CUX2: variants seen among roughly 807,000 people sequenced by gnomAD.
CUX2 encodes homeobox protein cut-like 2.
In CUX2, 40 loss-of-function variants were observed where a neutral mutation model predicts 144.8. The ratio of observed to expected loss-of-function variants is 0.28; its 90% confidence interval spans 0.21 to 0.36. CUX2 has a LOEUF of 0.36. CUX2 is among the 10% of genes least tolerant of loss of function. CUX2 has a pLI of 1.00. For missense variants in CUX2, 1,615 were observed against 1,994.0 expected, an observed-to-expected ratio of 0.81 and a Z score of 3.62; for synonymous variants, 827 against 875.6, an observed-to-expected ratio of 0.94 and a Z score of 0.98.
chr12:111,100,568 C>T (rs1182165346), intron 1 of CUX2, among the ~76,000 whole-genome samples: 1 of 152,080 alleles, frequency 6.6e-6, no homozygotes, highest in Admixed American at 6.5e-5. Flanking sequence ...GTGTGCAAGT[C>T]AGAGGGGTAT....
At chr12:111,314,961 G>A (rs1482537466) in intron 16 of CUX2, among the ~76,000 whole-genome samples, 1 of 152,140 alleles carries the variant, frequency 6.6e-6, no homozygotes, top group Non-Finnish European at 1.5e-5. Flanking sequence ...GAAACCCCAG[G>A]TCTCTCACCT....
intron 1 of CUX2, among the ~76,000 whole-genome samples, chr12:111,207,176 G>A (rs1412949023): frequency 6.6e-6 from 1 of 152,150 alleles, no homozygotes; most frequent in Non-Finnish European, 1.5e-5. Context: ...ATTAGAAGAG[G>A]TAGATTGAAG....
At chr12:111,215,959 T>C (rs1056936140) in intron 2 of CUX2, among the ~76,000 whole-genome samples, 10 of 152,272 alleles carry the variant, frequency 6.6e-5, no homozygotes, top group Admixed American at 5.2e-4. Context: ...ATTCCTATTA[T>C]AGTCGTGCCT....
chr12:111,182,549 C>A (rs1291778975), intron 1 of CUX2, among the ~76,000 whole-genome samples: 1 of 152,206 alleles, frequency 6.6e-6, no homozygotes. Flanking sequence ...CAATTCATTA[C>A]GCAGTTGGAT....
At chr12:111,235,404 T>C (rs2077161935) in intron 3 of CUX2, among the ~76,000 whole-genome samples, 1 of 151,948 alleles carries the variant, frequency 6.6e-6, no homozygotes, top group Admixed American at 6.6e-5. Flanking sequence ...GACTCAGAGT[T>C]GGGTTGTGCT....
chr12:111,084,790 G>A (rs113710285), intron 1 of CUX2, among the ~76,000 whole-genome samples: 1,934 of 152,246 alleles, frequency 0.013, 44 homozygotes, highest in African/African-American at 0.044. Flanking sequence ...GAGGGGCCAC[G>A]TGGCGGGCGG....
intron 21 of CUX2, 50 bp from the exon 22 acceptor site, chr12:111,347,474 G>A (rs1160253911): frequency 5.3e-6 from 8 of 1,517,156 alleles, no homozygotes; most frequent in Non-Finnish European, 2.6e-6. Context: ...GGAGTCCAGG[G>A]TTTGGGAGTC....
intron 1 of CUX2, among the ~76,000 whole-genome samples, chr12:111,120,752 A>G (rs1344112551): frequency 6.6e-6 from 1 of 152,054 alleles, no homozygotes; most frequent in Non-Finnish European, 1.5e-5. Context: ...AGATTAGCAT[A>G]GAGAAAATAT....
At chr12:111,044,335 C>G (rs1028801585) in intron 1 of CUX2, among the ~76,000 whole-genome samples, 1 of 152,108 alleles carries the variant, frequency 6.6e-6, no homozygotes, top group Non-Finnish European at 1.5e-5. Flanking sequence ...CCTGTCCTTA[C>G]TTGCCCTCAG....
chr12:111,302,805 C>T (rs981160075), intron 9 of CUX2, among the ~76,000 whole-genome samples: 1 of 149,306 alleles, frequency 6.7e-6, no homozygotes, highest in African/African-American at 2.5e-5. Context: ...GAGGCTGAGG[C>T]AGGAGAATTG....
At chr12:111,323,935 G>C (rs904970726) in intron 18 of CUX2, among the ~76,000 whole-genome samples, 2 of 152,130 alleles carry the variant, frequency 1.3e-5, no homozygotes, top group Non-Finnish European at 2.9e-5. Context: ...TGCCTGTAAG[G>C]GTGAGGCAGG....
chr12:111,072,002 G>A (rs984239834), intron 1 of CUX2, among the ~76,000 whole-genome samples: 13 of 152,152 alleles, frequency 8.5e-5, no homozygotes, highest in African/African-American at 3.1e-4. Context: ...ATACCACACT[G>A]TCTTCATTAC....
chr12:111,312,186 G>T lies in CUX2; in HGVS notation c.1987G>T (p.Glu663Ter). The T allele has an allele frequency of 6.2e-7, 1 of 1,608,830 alleles. No homozygotes were observed. The highest frequency in any genetic ancestry group is 8.5e-7 in the Non-Finnish European group (1 of 1,176,696). Residue 663 changes from glutamate to a stop codon, truncating the protein, a stop_gained, in exon 16 of 22, where the codon GAG (glutamate) becomes TAG (stop). Coordinates refer to ENST00000261726, the MANE Select transcript of CUX2 (RefSeq NM_015267.4). LOFTEE classifies it high-confidence loss of function. The surrounding 1 kb of genome is among the most constrained non-coding windows in gnomAD (Gnocchi z 4.3). ...SILEQAKKEI[E>*]SQKGGEPKTS... ...TCTAGAGCAGGCCAAGAAGGAGATC[G>T]AGTCGCAGAAGGGCGGTGAGTGTGA...
intron 1 of CUX2, among the ~76,000 whole-genome samples, chr12:111,182,469 A>G (rs566205976): frequency 2.0e-5 from 3 of 152,232 alleles, no homozygotes; most frequent in Non-Finnish European, 4.4e-5. Context: ...TCTCAGAGCC[A>G]TTAGCCCCCA....
rs907229056 is a variant in CUX2 at position 111,313,965 on chromosome 12, G to T, written c.2002+1764G>T. Among the ~76,000 whole-genome samples, 4 of 152,204 alleles carry T rather than the reference G, an allele frequency of 2.6e-5. No homozygotes were observed. The South Asian group carries it at 6.2e-4, about 24-fold the overall frequency. On this transcript the variant is annotated intron_variant, in intron 16 of 21. Coordinates refer to ENST00000261726, the MANE Select transcript of CUX2 (RefSeq NM_015267.4). ...TCTGCTGCCCCCTGGTGGCTGCTCC[G>T]AGCAGGTGTCCTGAATCCCTCCAGT...
chr12:111,261,321 C>A (rs1884113572), intron 3 of CUX2, among the ~76,000 whole-genome samples: 3 of 152,200 alleles, frequency 2.0e-5, no homozygotes, highest in Admixed American at 1.3e-4. Context: ...GTAAAAGCTT[C>A]TGGCACACAG....
intron 1 of CUX2, among the ~76,000 whole-genome samples, chr12:111,050,364 C>T (rs1449960853): frequency 2.0e-5 from 3 of 152,202 alleles, no homozygotes; most frequent in Non-Finnish European, 4.4e-5. Context: ...TGCCTCCCAG[C>T]TCTCCAGTCC....
intron 1 of CUX2, among the ~76,000 whole-genome samples, chr12:111,121,378 T>C (rs867634291): frequency 2.5e-4 from 32 of 127,936 alleles, no homozygotes; most frequent in African/African-American, 3.2e-4. Flanking sequence ...TCTTTTTTTT[T>C]TTTTTTTTTT....
intron 3 of CUX2, among the ~76,000 whole-genome samples, chr12:111,237,530 G>A (rs190770512): frequency 1.6e-4 from 24 of 152,300 alleles, no homozygotes; most frequent in Middle Eastern, 3.4e-3. Flanking sequence ...TGTCTCTCCT[G>A]AACATAACTC....
Sources: allele counts gnomAD v4.1 joint callset (sites outside exome capture counted in the v4.1 genomes callset), GRCh38; gene constraint gnomAD v4.1.1; non-coding constraint Gnocchi (gnomAD v3.1); transcripts MANE v1.5; gene names NCBI Gene and HGNC (gene_info 2026-07-23, HGNC 2026-07-21).